Variants in TUSC3 observed in about 807,000 individuals in gnomAD.
TUSC3 encodes the protein dolichyl-diphosphooligosaccharide--protein glycosyltransferase subunit TUSC3.
In TUSC3, 45 loss-of-function variants were observed where a neutral mutation model predicts 44.8. The observed-to-expected ratio is 1.00, with a 90% CI of 0.79 to 1.29. The LOEUF (loss-of-function observed/expected upper bound fraction) is 1.29, where lower values mean the gene tolerates loss of function less well. Among genes scored for constraint, TUSC3 ranks in the 50% most tolerant of loss-of-function variants. The probability of loss-of-function intolerance (pLI) is 0.00; values close to 1 mark genes in which losing one functional copy is unlikely to be tolerated. For synonymous variants in TUSC3, 212 were observed against 152.9 expected (o/e 1.39, Z -2.85); for missense variants, 519 against 437.9 (o/e 1.19, Z -1.65).
At chr8:15,429,276 T>C (rs1237228414) in intron 1 of TUSC3, among the ~76,000 whole-genome samples, 1 of 152,178 alleles carries the variant, frequency 6.6e-6, no homozygotes, top group Non-Finnish European at 1.5e-5. Flanking sequence ...GATCAGATAG[T>C]TGCAGATATG....
At chr8:15,805,298 C>T in the TUSC3 span, among the ~76,000 whole-genome samples, 1 of 152,026 alleles carries the variant, frequency 6.6e-6, no homozygotes, top group African/African-American at 2.4e-5. Context: ...TTGACTTCTC[C>T]TTTCCTATTT....
At chr8:15,434,702 C>T (rs1395520131) in intron 1 of TUSC3, among the ~76,000 whole-genome samples, 2 of 151,448 alleles carry the variant, frequency 1.3e-5, no homozygotes, top group Non-Finnish European at 2.9e-5. Flanking sequence ...CACCCCACAA[C>T]AGGCCCCGGT....
the TUSC3 span, among the ~76,000 whole-genome samples, chr8:15,822,536 C>A: frequency 2.8e-4 from 42 of 152,212 alleles, no homozygotes; most frequent in African/African-American, 8.9e-4. Context: ...GTTTCCAGGT[C>A]TTGCTGATGC....
the TUSC3 span, among the ~76,000 whole-genome samples, chr8:15,838,628 T>G: frequency 4.6e-5 from 7 of 152,152 alleles, no homozygotes; most frequent in East Asian, 1.9e-4. Context: ...TTTCCCCATT[T>G]CTTGTTTTTG....
At chr8:15,769,012 A>G (rs76617612), downstream of TUSC3, among the ~76,000 whole-genome samples, 1 of 152,212 alleles carries the variant, frequency 6.6e-6, no homozygotes. Flanking sequence ...AAAGTAACTT[A>G]TAGATTAAAT....
intron 1 of TUSC3, among the ~76,000 whole-genome samples, chr8:15,440,252 AC>A (rs1338704072): frequency 6.6e-6 from 1 of 152,214 alleles, no homozygotes; most frequent in East Asian, 1.9e-4. Context: ...GGCAGTGGAA[AC>A]AACACATGCA....
intron 2 of TUSC3, among the ~76,000 whole-genome samples, chr8:15,639,809 A>G (rs1406394592): frequency 2.3e-5 from 3 of 131,210 alleles, no homozygotes; most frequent in East Asian, 2.8e-4. Flanking sequence ...ACCCATGAGG[A>G]TGACTTAGTA....
intron 1 of TUSC3, among the ~76,000 whole-genome samples, chr8:15,550,209 A>G (rs910978042): frequency 1.3e-5 from 2 of 151,646 alleles, no homozygotes; most frequent in Admixed American, 6.6e-5. Context: ...CTGTCTGTGG[A>G]TTTCATTTCT....
At chr8:15,461,037 T>G (rs1800337668) in intron 1 of TUSC3, among the ~76,000 whole-genome samples, 1 of 152,298 alleles carries the variant, frequency 6.6e-6, no homozygotes, top group South Asian at 2.1e-4. Context: ...ATATGAATTT[T>G]AGAATTGTGT....
At chr8:15,634,044 T>C (rs955588982) in intron 2 of TUSC3, among the ~76,000 whole-genome samples, 1 of 152,200 alleles carries the variant, frequency 6.6e-6, no homozygotes. Context: ...CCGAGGGCTG[T>C]ATACTTCCAT....
At chr8:15,758,380 T>C (rs866386770) in intron 10 of TUSC3, 108 of 341,308 alleles carry the variant, frequency 3.2e-4, no homozygotes, top group African/African-American at 2.2e-3. Flanking sequence ...GTCAATTTTA[T>C]ATATATATAA....
At chr8:15,627,633 G>A (rs1279148348) in intron 2 of TUSC3, among the ~76,000 whole-genome samples, 3 of 152,376 alleles carry the variant, frequency 2.0e-5, no homozygotes, top group Admixed American at 2.0e-4. Flanking sequence ...TTGGGGCCCT[G>A]TGGTTTCTGG....
chr8:15,479,956 C>T (rs1282534915), intron 1 of TUSC3, among the ~76,000 whole-genome samples: 2 of 152,130 alleles, frequency 1.3e-5, no homozygotes, highest in African/African-American at 2.4e-5. Flanking sequence ...AGCAAAGTCT[C>T]AGGATACAAA....
chr8:15,755,530 G>A lies in TUSC3; in HGVS notation c.1029-2261G>A, dbSNP rs529255133. Among the ~76,000 whole-genome samples, 4 of 152,068 alleles carry A rather than the reference G, an allele frequency of 2.6e-5. No individual in the cohort carries two copies. In the South Asian group the frequency reaches 8.3e-4, roughly 32 times the overall value. On this transcript the variant is annotated intron_variant, in intron 9 of 10. Coordinates refer to ENST00000503731, the MANE Select transcript of TUSC3 (RefSeq NM_006765.4). ...TTGATGAGCTTAGTTGGGCTCCTGGGTCTCTTGAAATTGTCAGTGAAATAG... is the reference window on the plus strand; with the variant it reads ...TTGATGAGCTTAGTTGGGCTCCTGGATCTCTTGAAATTGTCAGTGAAATAG...
At chr8:15,585,854 G>T (rs898441739) in intron 1 of TUSC3, among the ~76,000 whole-genome samples, 1 of 152,112 alleles carries the variant, frequency 6.6e-6, no homozygotes. Flanking sequence ...GAGCGTGACC[G>T]GGTTTTTTTG....
chr8:15,741,791 A>G (rs985125150), intron 7 of TUSC3, among the ~76,000 whole-genome samples: 2 of 152,172 alleles, frequency 1.3e-5, no homozygotes, highest in African/African-American at 2.4e-5. Flanking sequence ...ATAAAAATTT[A>G]TACATGCATA....
the TUSC3 span, among the ~76,000 whole-genome samples, chr8:15,790,990 C>T: frequency 6.6e-6 from 1 of 152,014 alleles, no homozygotes; most frequent in Admixed American, 6.6e-5. Context: ...ATGGCACTTA[C>T]ACTACCGTAT....
At chr8:15,669,562 T>A (rs1391065748) in intron 5 of TUSC3, among the ~76,000 whole-genome samples, 2 of 151,962 alleles carry the variant, frequency 1.3e-5, no homozygotes, top group East Asian at 3.9e-4. Flanking sequence ...AATACAAGAA[T>A]GGTTTACCAT....
intron 1 of TUSC3, among the ~76,000 whole-genome samples, chr8:15,622,878 A>G (rs184766920): frequency 1.4e-4 from 21 of 152,190 alleles, no homozygotes; most frequent in Admixed American, 1.3e-3. Flanking sequence ...GGTCTGGGAT[A>G]TATAAGGCCA....
Sources: allele counts gnomAD v4.1 joint callset (sites outside exome capture counted in the v4.1 genomes callset), GRCh38; gene constraint gnomAD v4.1.1; transcripts MANE v1.5; gene names NCBI Gene and HGNC (gene_info 2026-07-23, HGNC 2026-07-21).